Variants in STX8 observed in about 807,000 individuals in gnomAD.
STX8 encodes syntaxin 8.
In STX8, 23 loss-of-function variants were observed where a neutral mutation model predicts 37.5. That is an observed-to-expected ratio of 0.61 (90% CI 0.44 to 0.87). STX8 has a LOEUF of 0.87. Ranked by LOEUF, STX8 falls within the 40% of genes least tolerant of loss-of-function variation. The pLI, the probability that STX8 is intolerant of heterozygous loss-of-function variation, is 0.00. For synonymous variants in STX8, 115 were observed against 99.1 expected, an observed-to-expected ratio of 1.16 and a Z score of -0.95; for missense variants, 313 against 284.7, an observed-to-expected ratio of 1.10 and a Z score of -0.71.
intron 7 of STX8, among the ~76,000 whole-genome samples, chr17:9,259,450 G>T (rs1280753425): frequency 6.6e-6 from 1 of 152,196 alleles, no homozygotes; most frequent in African/African-American, 2.4e-5. Context: ...AGAAGGAAGA[G>T]TAGCAAAAAC....
intron 6 of STX8, among the ~76,000 whole-genome samples, chr17:9,404,934 C>T (rs1157765317): frequency 6.6e-6 from 1 of 152,130 alleles, no homozygotes; most frequent in African/African-American, 2.4e-5. Flanking sequence ...TCTTGATTTT[C>T]TCCAAGATCC....
At position 9,327,777 on chromosome 17, in the gene STX8, G is replaced by GT. The variant is rs138029296; in HGVS notation, c.643+50774dup. ...TGCAGCCTCCACCTCCTGGGCCTGAGTGATCCCCCTGCCTCAGCCTCCTGA... is the reference window on the plus strand; with the variant it reads ...TGCAGCCTCCACCTCCTGGGCCTGAGTTGATCCCCCTGCCTCAGCCTCCTGA... On this transcript the variant is annotated intron_variant, in intron 7 of 7. Transcript: ENST00000306357. Among the ~76,000 whole-genome samples the GT allele has an allele frequency of 2.7e-3, 409 of 152,264 alleles. 4 individuals carry two copies. The highest frequency in any genetic ancestry group is 9.1e-3 in the African/African-American group (380 of 41,560).
At chr17:9,476,037 G>A (rs1906090117) in intron 6 of STX8, among the ~76,000 whole-genome samples, 2 of 152,134 alleles carry the variant, frequency 1.3e-5, no homozygotes, top group African/African-American at 2.4e-5. Context: ...AAATCAGCTG[G>A]GTATGGTGGC....
chr17:9,495,825 G>A (rs1188212876), intron 5 of STX8, among the ~76,000 whole-genome samples: 3 of 152,206 alleles, frequency 2.0e-5, no homozygotes, highest in Non-Finnish European at 2.9e-5. Flanking sequence ...ATTTCTAAGG[G>A]GAAGGTGGTA....
chr17:9,411,957 T>C (rs565439689), intron 6 of STX8, among the ~76,000 whole-genome samples: 41 of 152,322 alleles, frequency 2.7e-4, no homozygotes, highest in African/African-American at 9.9e-4. Flanking sequence ...GAAGTCACTG[T>C]ACTAAAAGTG....
At position 9,507,884 on chromosome 17, in the gene STX8, A is replaced by G. The variant is rs148920504; in HGVS notation, c.324-2722T>C. ...GCCCACCTGGAACCAAAGCCAATGC[A>G]TCCCACTGAACCAACACCCCAAGAT... is the stretch of plus-strand genomic sequence containing the variant. On this transcript the variant is annotated intron_variant, in intron 4 of 7. Transcript: ENST00000306357. The surrounding 1 kb of genome is among the most constrained non-coding windows in gnomAD (Gnocchi z 4.0). Among the ~76,000 whole-genome samples the G allele has an allele frequency of 1.2e-3, 189 of 152,268 alleles. No homozygotes were observed. The highest frequency in any genetic ancestry group is 2.4e-3 in the Non-Finnish European group (161 of 68,004).
At chr17:9,261,511 G>A (rs375504059) in intron 7 of STX8, among the ~76,000 whole-genome samples, 1 of 152,108 alleles carries the variant, frequency 6.6e-6, no homozygotes, top group African/African-American at 2.4e-5. Context: ...ACACAAACAC[G>A]AAACTCTGCA....
At chr17:9,302,694 C>T (rs910090381) in intron 7 of STX8, among the ~76,000 whole-genome samples, 16 of 151,972 alleles carry the variant, frequency 1.1e-4, no homozygotes, top group African/African-American at 3.9e-4. Flanking sequence ...GATGAGGATC[C>T]ACAGAGCACT....
At chr17:9,350,005 G>A (rs1049189759) in intron 7 of STX8, among the ~76,000 whole-genome samples, 2 of 152,072 alleles carry the variant, frequency 1.3e-5, no homozygotes, top group East Asian at 1.9e-4. Flanking sequence ...CCCAAAGTGC[G>A]GGGATTACAG....
At chr17:9,493,736 CTT>C (rs1439197670) in intron 5 of STX8, among the ~76,000 whole-genome samples, 2 of 152,162 alleles carry the variant, frequency 1.3e-5, no homozygotes, top group Non-Finnish European at 2.9e-5. Context: ...CTTTTGACCT[CTT>C]GTTAGCTAAT....
chr17:9,556,883 C>T (rs1268431171), intron 3 of STX8: 7 of 150,328 alleles, frequency 4.7e-5, no homozygotes, highest in Non-Finnish European at 7.4e-5. Flanking sequence ...CCATCCCACC[C>T]CTTCCCCTCA....
At chr17:9,474,841 G>A (rs1906033105) in intron 6 of STX8, among the ~76,000 whole-genome samples, 1 of 152,090 alleles carries the variant, frequency 6.6e-6, no homozygotes, top group Non-Finnish European at 1.5e-5. Context: ...GCGTGGTGGT[G>A]CATGCCAGTA....
At chr17:9,418,922 CTTTT>C (rs1199002351) in intron 6 of STX8, among the ~76,000 whole-genome samples, 1 of 110,676 alleles carries the variant, frequency 9.0e-6, no homozygotes, top group Non-Finnish European at 1.9e-5. Flanking sequence ...CTTTTTTTTT[CTTTT>C]TTTTTTTTTT....
intron 7 of STX8, among the ~76,000 whole-genome samples, chr17:9,264,735 G>A (rs185969778): frequency 7.0e-4 from 107 of 152,322 alleles, no homozygotes; most frequent in Non-Finnish European, 1.3e-3. Flanking sequence ...AACTAGTAAT[G>A]CTTCATGTGG....
chr17:9,416,034 A>G (rs1263671874), intron 6 of STX8, among the ~76,000 whole-genome samples: 1 of 151,936 alleles, frequency 6.6e-6, no homozygotes, highest in East Asian at 1.9e-4. Context: ...CACTTGGGCC[A>G]CTCCAGGCAG....
At chr17:9,414,783 C>CTTTTTTTTTT (rs10552538) in intron 6 of STX8, among the ~76,000 whole-genome samples, 2 of 57,436 alleles carry the variant, frequency 3.5e-5, no homozygotes, top group Non-Finnish European at 3.0e-5. Context: ...CTGAGTTCTG[C>CTTTTTTTTTT]TTTTTTTTTT....
rs780410471 is a variant in STX8 at position 9,507,240 on chromosome 17, G to A, written c.324-2078C>T. On this transcript the variant is annotated intron_variant, in intron 4 of 7. Transcript: ENST00000306357. This position sits in a 1 kb window ranked among gnomAD's most constrained non-coding sequence, Gnocchi z 4.0. Reference sequence around the variant, plus strand: ...AGGCCCCACACCTCAATCAGGGCCTGAGAAACAACCCTGCAGGCTGCCCCT... The same window carrying A: ...AGGCCCCACACCTCAATCAGGGCCTAAGAAACAACCCTGCAGGCTGCCCCT... 6.6e-6 allele frequency among the ~76,000 whole-genome samples: 1 copy of A among 151,072 alleles called. No individual in the cohort carries two copies. The highest frequency in any genetic ancestry group is 2.4e-5 in the African/African-American group (1 of 40,996).
At chr17:9,344,514 G>T (rs1352373185) in intron 7 of STX8, among the ~76,000 whole-genome samples, 1 of 152,072 alleles carries the variant, frequency 6.6e-6, no homozygotes, top group African/African-American at 2.4e-5. Flanking sequence ...GCTCACCTCA[G>T]CCTCCCAAAG....
At chr17:9,504,854 G>A (rs1223328226) in intron 5 of STX8, among the ~76,000 whole-genome samples, 184 bp downstream of exon 5, 2 of 151,166 alleles carry the variant, frequency 1.3e-5, no homozygotes, top group Non-Finnish European at 2.9e-5. Flanking sequence ...CGCACCTGTA[G>A]TCCCAGCTTC....
Sources: allele counts gnomAD v4.1 joint callset (sites outside exome capture counted in the v4.1 genomes callset), GRCh38; gene constraint gnomAD v4.1.1; non-coding constraint Gnocchi (gnomAD v3.1); transcripts MANE v1.5; gene names NCBI Gene and HGNC (gene_info 2026-07-23, HGNC 2026-07-21).